The following NUCKS1 variants were observed in gnomAD, a reference collection of about 807,000 sequenced individuals.
NUCKS1 encodes the protein nuclear ubiquitous casein and cyclin-dependent kinase substrate 1.
In NUCKS1, 2 loss-of-function variants were observed where a neutral mutation model predicts 33.0. The observed-to-expected ratio is 0.06, with a 90% CI of 0.02 to 0.19. NUCKS1 has a LOEUF of 0.19. Among genes scored for constraint, NUCKS1 ranks in the 10% least tolerant of loss-of-function variants. The pLI, the probability that NUCKS1 is intolerant of heterozygous loss-of-function variation, is 1.00. For synonymous variants in NUCKS1, 106 were observed against 102.8 expected (o/e 1.03, Z -0.19); for missense variants, 201 against 293.6 (o/e 0.68, Z 2.31).
intron 1 of NUCKS1, among the ~76,000 whole-genome samples, chr1:205,742,143 T>C (rs1654192147): frequency 6.6e-6 from 1 of 152,228 alleles, no homozygotes; most frequent in African/African-American, 2.4e-5. Context: ...TAATATTTAG[T>C]TTCTTGAGTA....
At chr1:205,724,157 G>C (rs1671965278) in intron 3 of NUCKS1, 176 bp from the exon 4 acceptor site, 1 of 641,828 alleles carries the variant, frequency 1.6e-6, no homozygotes, top group Admixed American at 2.4e-5. Context: ...TGGTGAATAA[G>C]CACAATTTTA....
chr1:205,746,093 C>T (rs1654315406), intron 1 of NUCKS1, among the ~76,000 whole-genome samples: 1 of 152,044 alleles, frequency 6.6e-6, no homozygotes, highest in Non-Finnish European at 1.5e-5. Context: ...GTCAAGAGTT[C>T]GAGACCAGCC....
chr1:205,749,682 C>G (rs12727532), intron 1 of NUCKS1, among the ~76,000 whole-genome samples: 1 of 151,990 alleles, frequency 6.6e-6, no homozygotes, highest in African/African-American at 2.4e-5. Context: ...TCAGGGACAC[C>G]CCGCCCGCTC....
chr1:205,726,964 G>C, intron 3 of NUCKS1, among the ~76,000 whole-genome samples: 1 of 151,014 alleles, frequency 6.6e-6, no homozygotes, highest in South Asian at 2.1e-4. Context: ...TCCTCGTCTT[G>C]TTGTTGTTTT....
intron 1 of NUCKS1, among the ~76,000 whole-genome samples, chr1:205,743,780 A>T (rs192101274): frequency 1.9e-4 from 29 of 152,316 alleles, no homozygotes; most frequent in Non-Finnish European, 3.8e-4. Context: ...ACTGTATATC[A>T]TGTTGCTTAA....
Position 205,725,304 on chromosome 1 carries a change from A to G in NUCKS1, c.174-1323T>C, listed in dbSNP as rs73080324. 4.8e-3 allele frequency among the ~76,000 whole-genome samples: 728 copies of G among 152,360 alleles called. 5 individuals carry two copies. The highest frequency in any genetic ancestry group is 0.017 in the African/African-American group (692 of 41,580). ...AAGAACAAAAACCAAAAACTCGCAC[A>G]TAAAAACTGCCTTCAAAGCTTTCCT... On this transcript the variant is annotated intron_variant, in intron 3 of 6. Transcript: ENST00000367142.
chr1:205,744,734 G>A (rs1327683333), intron 1 of NUCKS1, among the ~76,000 whole-genome samples: 2 of 148,658 alleles, frequency 1.3e-5, no homozygotes, highest in South Asian at 2.2e-4. Context: ...CTGGGTTCAA[G>A]CGATTCTCCT....
At chr1:205,730,552 G>A (rs1571577855) in intron 1 of NUCKS1, among the ~76,000 whole-genome samples, 1 of 150,990 alleles carries the variant, frequency 6.6e-6, no homozygotes, top group East Asian at 2.0e-4. Flanking sequence ...GCAATGGCGA[G>A]ATCTTGGCTC....
intron 3 of NUCKS1, 30 bp from the exon 4 acceptor site, chr1:205,724,011 T>G: frequency 6.5e-7 from 1 of 1,539,328 alleles, no homozygotes; most frequent in Non-Finnish European, 9.0e-7. Context: ...AGCAAATGCA[T>G]AAAAGTCTTA....
chr1:205,719,140 G>C (rs1378230625), intron 6 of NUCKS1, among the ~76,000 whole-genome samples: 1 of 152,182 alleles, frequency 6.6e-6, no homozygotes, highest in East Asian at 1.9e-4. Flanking sequence ...GAACTTAAAC[G>C]TATTACTCTA....
intron 1 of NUCKS1, among the ~76,000 whole-genome samples, chr1:205,730,618 A>G (rs553161785): frequency 6.6e-6 from 1 of 151,920 alleles, no homozygotes; most frequent in Admixed American, 6.6e-5. Flanking sequence ...CCTCCCGAGT[A>G]GCTGAGATTA....
chr1:205,731,040 C>A (rs1472120111), intron 1 of NUCKS1, among the ~76,000 whole-genome samples: 1 of 151,996 alleles, frequency 6.6e-6, no homozygotes, highest in Non-Finnish European at 1.5e-5. Context: ...TTATAATGCA[C>A]AAAAATTATG....
At chr1:205,725,120 G>C (rs1222366614) in intron 3 of NUCKS1, among the ~76,000 whole-genome samples, 1 of 152,186 alleles carries the variant, frequency 6.6e-6, no homozygotes, top group Non-Finnish European at 1.5e-5. Flanking sequence ...GAGCTCAAGT[G>C]ATCCACCTGT....
At chr1:205,729,840 A>T (rs943244748) in intron 1 of NUCKS1, among the ~76,000 whole-genome samples, 2 of 152,052 alleles carry the variant, frequency 1.3e-5, no homozygotes, top group Non-Finnish European at 2.9e-5. Context: ...TAACCAACAT[A>T]GAGAAACCTT....
chr1:205,729,785 G>A (rs1447092666), intron 1 of NUCKS1, among the ~76,000 whole-genome samples, 164 bp from the exon 2 acceptor site: 2 of 152,132 alleles, frequency 1.3e-5, no homozygotes, highest in African/African-American at 2.4e-5. Context: ...ACTTTGGGAG[G>A]CCAAGGCTGG....
chr1:205,749,002 G>A (rs956160091), intron 1 of NUCKS1, among the ~76,000 whole-genome samples: 1 of 152,090 alleles, frequency 6.6e-6, no homozygotes, highest in African/African-American at 2.4e-5. Context: ...CCGACAGCTG[G>A]GGGAATAGCA....
chr1:205,738,995 T>C lies in NUCKS1; in HGVS notation c.18-9374A>G, dbSNP rs76269384. ...ATGAAGACTCCTGACCTATATGACA[T>C]TTTTTGTGTGTGAATCCACGGCGAC... On this transcript the variant is annotated intron_variant, in intron 1 of 6. Transcript: ENST00000367142. Among the ~76,000 whole-genome samples, 274 of 152,308 alleles carry C rather than the reference T, an allele frequency of 1.8e-3. 1 individual carries two copies. The highest frequency in any genetic ancestry group is 6.1e-3 in the African/African-American group (255 of 41,590).
intron 1 of NUCKS1, among the ~76,000 whole-genome samples, chr1:205,741,790 T>C (rs190191397): frequency 4.9e-4 from 75 of 152,298 alleles, no homozygotes; most frequent in African/African-American, 1.7e-3. Context: ...AGGGTCCTAT[T>C]TCCTGGGAAA....
Position 205,717,891 on chromosome 1 carries a change from G to A in NUCKS1, c.*389C>T, listed in dbSNP as rs955194508. 7.4e-5 allele frequency: 73 copies of A among 988,134 alleles called. No homozygotes were observed. The highest frequency in any genetic ancestry group is 8.4e-5 in the Non-Finnish European group (70 of 831,854). 61.2% of individuals were successfully genotyped at this position (988,134 alleles called of 1,614,324 possible). ...TCAACTTGCTATTTTTTAGCAAAAAGCGAAGTTTCAATAGTGTTCATCTCA... is the reference window on the plus strand; with the variant it reads ...TCAACTTGCTATTTTTTAGCAAAAAACGAAGTTTCAATAGTGTTCATCTCA... On this transcript the variant is annotated 3_prime_UTR_variant, in exon 7 of 7. Transcript: ENST00000367142.
Sources: gnomAD v4.1 joint callset for allele counts (sites outside exome capture counted in the v4.1 genomes callset) on GRCh38, gnomAD v4.1.1 for gene constraint, MANE v1.5 for transcripts, NCBI Gene and HGNC (gene_info 2026-07-23, HGNC 2026-07-21) for gene names.